Variants in SMG6 observed in about 807,000 individuals in gnomAD.
SMG6 encodes SMG6 nonsense mediated mRNA decay factor.
A neutral mutation model predicts 142.2 loss-of-function variants in SMG6; 66 were observed. The observed-to-expected ratio is 0.46, with a 90% confidence interval of 0.38 to 0.57. The LOEUF (loss-of-function observed/expected upper bound fraction) is 0.57. Ranked by LOEUF, SMG6 falls within the 20% of genes least tolerant of loss-of-function variation. SMG6 has a pLI of 0.00. For missense variants in SMG6, 1,793 were observed against 1,832.0 expected (o/e 0.98, Z 0.39); for synonymous variants, 779 against 702.4 (o/e 1.11, Z -1.72).
rs558736889 is a variant in SMG6, at chr17:2,092,612, G to A, written c.3358-6711C>T. On this transcript the variant is annotated intron_variant, in intron 13 of 18. Transcript: ENST00000263073. ...TTACTGAAGATCCCAAAAGGTACAC[G>A]TATATTTGGCTACTAGGAAGGAGAC... is the stretch of plus-strand genomic sequence containing the variant. Among the ~76,000 whole-genome samples the A allele has an allele frequency of 1.7e-4, 26 of 152,296 alleles. No individual in the cohort carries two copies. In the South Asian group the frequency reaches 5.2e-3, roughly 30 times the overall value.
At chr17:2,155,904 A>T (rs980719163) in intron 13 of SMG6, among the ~76,000 whole-genome samples, 1 of 152,160 alleles carries the variant, frequency 6.6e-6, no homozygotes, top group Admixed American at 6.5e-5. Flanking sequence ...ATGTATTGTT[A>T]TCAGGGGAAG....
At chr17:2,255,993 A>G (rs182437361) in intron 8 of SMG6, 29 of 194,950 alleles carry the variant, frequency 1.5e-4, no homozygotes, top group South Asian at 7.8e-4. Context: ...CAGCATGCTC[A>G]TTAAGAGTCA....
chr17:2,275,692 G>A (rs2074633465), intron 8 of SMG6, among the ~76,000 whole-genome samples: 1 of 152,134 alleles, frequency 6.6e-6, no homozygotes, highest in Admixed American at 6.5e-5. Context: ...GTTTCTAAAG[G>A]GAGACGAAGA....
intron 8 of SMG6, among the ~76,000 whole-genome samples, chr17:2,249,977 T>C (rs1251937469): frequency 6.6e-6 from 1 of 152,226 alleles, no homozygotes; most frequent in Non-Finnish European, 1.5e-5. Context: ...GTTCCTGGAC[T>C]GTAAAATGGA....
chr17:2,153,116 C>T (rs2070877834), intron 13 of SMG6, among the ~76,000 whole-genome samples: 1 of 152,222 alleles, frequency 6.6e-6, no homozygotes, highest in Non-Finnish European at 1.5e-5. Context: ...GTGGCCCACG[C>T]AGCCCAACGC....
At chr17:2,104,873 G>GTAA (rs2069112061) in intron 13 of SMG6, among the ~76,000 whole-genome samples, 1 of 151,918 alleles carries the variant, frequency 6.6e-6, no homozygotes, top group Non-Finnish European at 1.5e-5. Context: ...TCTTATGAAG[G>GTAA]TAATGGCACT....
intron 10 of SMG6, among the ~76,000 whole-genome samples, chr17:2,222,884 C>A (rs192499053): frequency 1.3e-5 from 2 of 152,246 alleles, no homozygotes; most frequent in East Asian, 3.9e-4. Context: ...CCCTAGCAGG[C>A]ATCTGAAAAA....
intron 10 of SMG6, chr17:2,233,343 A>G (rs2073553805): frequency 6.6e-6 from 1 of 152,378 alleles, no homozygotes; most frequent in Admixed American, 6.5e-5. Context: ...GAAGGAATGG[A>G]AAGAAAAATG....
rs539914555 is a variant in SMG6, at chr17:2,220,931, T to TA, written c.2869+15560dup. ...ATGAAACCCAAAATGTTAAATCCTTTAAAAAAAATCATTTAGTTTTCATAA... is the reference window on the plus strand; with the variant it reads ...ATGAAACCCAAAATGTTAAATCCTTTAAAAAAAAATCATTTAGTTTTCATAA... On this transcript the variant is annotated intron_variant, in intron 10 of 18. Transcript: ENST00000263073. Among the ~76,000 whole-genome samples the TA allele has an allele frequency of 9.3e-4, 141 of 152,128 alleles. 1 individual carries two copies. The highest frequency in any genetic ancestry group is 3.1e-3 in the African/African-American group (128 of 41,504).
chr17:2,166,831 T>A (rs183962407), intron 13 of SMG6, among the ~76,000 whole-genome samples: 2 of 152,122 alleles, frequency 1.3e-5, no homozygotes, highest in Admixed American at 1.3e-4. Flanking sequence ...AAGACAGATA[T>A]AAGGGGACTG....
Position 2,068,348 on chromosome 17 carries a change from A to C in SMG6, c.3835+430T>G, listed in dbSNP as rs745817524. Among the ~76,000 whole-genome samples the C allele has an allele frequency of 3.3e-5, 5 of 152,190 alleles. No individual in the cohort carries two copies. Among genetic ancestry groups the C allele is most frequent in the Admixed American group, 6.5e-5 (1 of 15,286 alleles). On this transcript the variant is annotated intron_variant, in intron 16 of 18. Transcript: ENST00000263073. This position sits in a 1 kb window ranked among gnomAD's most constrained non-coding sequence, Gnocchi z 6.7. Reference sequence around the variant, plus strand: ...CTCGAACCAACAGAGTGATCATGAAAAGCTACAAGACAATCAGACCAAAGG... The same window carrying C: ...CTCGAACCAACAGAGTGATCATGAACAGCTACAAGACAATCAGACCAAAGG...
chr17:2,114,910 A>AT (rs1176513324), intron 13 of SMG6, among the ~76,000 whole-genome samples: 2 of 103,250 alleles, frequency 1.9e-5, no homozygotes, highest in African/African-American at 4.4e-5. Flanking sequence ...CTGGGCAAAA[A>AT]TAAAATAAAA....
chr17:2,145,660 A>AAAAAAAAAAAAAAAAAC, intron 13 of SMG6, among the ~76,000 whole-genome samples: 1 of 150,632 alleles, frequency 6.6e-6, no homozygotes. Flanking sequence ...AAAAAAAAAA[A>AAAAAAAAAAAAAAAAAC]AAAAAAGCAT....
rs185698367 is a variant in SMG6, at chr17:2,084,913, A to T, written c.3534+812T>A. Among the ~76,000 whole-genome samples, 4 of 152,330 alleles carry T rather than the reference A, an allele frequency of 2.6e-5. No homozygotes were observed. In the East Asian group the frequency reaches 5.8e-4, roughly 22 times the overall value. On this transcript the variant is annotated intron_variant, in intron 14 of 18. Transcript: ENST00000263073. ...TACTAAATGCATACATGCTCCAACA[A>T]CATCACACTCACAACCACTCAGAAC...
intron 13 of SMG6, among the ~76,000 whole-genome samples, chr17:2,141,979 G>T (rs8072532): frequency 6.6e-6 from 1 of 152,080 alleles, no homozygotes; most frequent in Non-Finnish European, 1.5e-5. Flanking sequence ...TTTCTGAAGT[G>T]TGTACTTCAG....
At chr17:2,063,513 G>A (rs967407595) in intron 18 of SMG6, among the ~76,000 whole-genome samples, 1 of 152,232 alleles carries the variant, frequency 6.6e-6, no homozygotes, top group African/African-American at 2.4e-5. Flanking sequence ...GGGGGTGGGA[G>A]GACTAGTAGG....
In SMG6 at chr17:2,065,164, G is replaced by C. The variant is rs747453753; in HGVS notation, c.4048-10C>G. On this transcript the variant is annotated splice_polypyrimidine_tract_variant and intron_variant, in intron 17 of 18. Transcript: ENST00000263073. ...GATCATCGTTGTTACCCTGGAGGAA[G>C]ACGTGTGTGAGAAGCACCACTGGGC... 6.2e-7 allele frequency: 1 copy of C among 1,609,490 alleles called. No homozygotes were observed. Among genetic ancestry groups the C allele is most frequent in the Middle Eastern group, 1.7e-4 (1 of 5,898 alleles).
chr17:2,215,431 T>C (rs531811498), intron 10 of SMG6: 14 of 152,216 alleles, frequency 9.2e-5, no homozygotes, highest in South Asian at 2.1e-4. Context: ...TAGCAACTCA[T>C]TGATAAGAGG....
chr17:2,278,994 G>A (rs1441519202), intron 8 of SMG6, among the ~76,000 whole-genome samples: 3 of 152,074 alleles, frequency 2.0e-5, no homozygotes, highest in African/African-American at 7.2e-5. Flanking sequence ...ACAAAGAAGT[G>A]AACACACTAG....
Sources: gnomAD v4.1 joint callset for allele counts (sites outside exome capture counted in the v4.1 genomes callset) on GRCh38, gnomAD v4.1.1 for gene constraint, Gnocchi (gnomAD v3.1) non-coding constraint, MANE v1.5 for transcripts, NCBI Gene and HGNC (gene_info 2026-07-23, HGNC 2026-07-21) for gene names.